Variants in ANKRD29 observed in about 807,000 individuals in gnomAD.
The protein encoded by ANKRD29 is ankyrin repeat domain 29.
Under a neutral mutation model 38.0 loss-of-function variants are expected in ANKRD29, and 32 were observed. The ratio of observed to expected loss-of-function variants is 0.84; its 90% CI spans 0.64 to 1.13. ANKRD29 has a LOEUF of 1.13. ANKRD29 is among the 50% of genes most tolerant of loss of function. ANKRD29 has a pLI of 0.00. For synonymous variants in ANKRD29, 135 were observed against 152.4 expected, an observed-to-expected ratio of 0.89 and a Z score of 0.84; for missense variants, 357 against 377.9, an observed-to-expected ratio of 0.94 and a Z score of 0.46.
intron 9 of ANKRD29, 115 bp from the exon 10 acceptor site, chr18:23,601,424 C>T (rs2145622872): frequency 1.4e-6 from 1 of 719,432 alleles, no homozygotes; most frequent in East Asian, 2.7e-5. Flanking sequence ...AAAATCCACA[C>T]TGGACTCACT....
At chr18:23,602,325 C>T (rs140077424) in intron 9 of ANKRD29, among the ~76,000 whole-genome samples, 1,638 of 152,172 alleles carry the variant, frequency 0.011, 22 homozygotes, top group African/African-American at 0.036. Context: ...TGTGAGCCAC[C>T]GCGCCCGGGC....
chr18:23,649,070 C>A lies in ANKRD29; in HGVS notation c.132+13G>T. On this transcript the variant is annotated intron_variant, in intron 2 of 9. Transcript: ENST00000592179. Reference sequence around the variant, plus strand: ...TGGTGCATGCTGGGCATGCATCTACCGAACCACCGTACGCTGTCTCTGCAG... The same window carrying A: ...TGGTGCATGCTGGGCATGCATCTACAGAACCACCGTACGCTGTCTCTGCAG... 2 of 1,610,872 alleles carry A rather than the reference C, an allele frequency of 1.2e-6. No individual in the cohort carries two copies. The highest frequency in any genetic ancestry group is 1.7e-6 in the Non-Finnish European group (2 of 1,178,210).
intron 1 of ANKRD29, among the ~76,000 whole-genome samples, chr18:23,653,039 C>T (rs2060230049): frequency 6.6e-6 from 1 of 152,172 alleles, no homozygotes; most frequent in African/African-American, 2.4e-5. Flanking sequence ...TAACAATTGC[C>T]TACAGTATTC....
At chr18:23,656,296 C>T (rs908893425) in intron 1 of ANKRD29, among the ~76,000 whole-genome samples, 4 of 151,934 alleles carry the variant, frequency 2.6e-5, no homozygotes, top group Non-Finnish European at 4.4e-5. Flanking sequence ...GCCCTACATA[C>T]ATTGATTCTG....
Position 23,600,830 on chromosome 18 carries a change from C to T in ANKRD29, c.*396G>A, listed in dbSNP as rs953780821. ...ACACAAAAGCAAAAGTGCCTCAATC[C>T]ATTGAAGGTCAGCTTTTCAGTCTTT... On this transcript the variant is annotated 3_prime_UTR_variant, in exon 10 of 10. Coordinates refer to ENST00000592179, the MANE Select transcript of ANKRD29 (RefSeq NM_173505.4). 8 of 159,022 alleles carry T rather than the reference C, an allele frequency of 5.0e-5. No homozygotes were observed. The highest frequency in any genetic ancestry group is 1.7e-4 in the African/African-American group (7 of 41,562). 9.9% of individuals were successfully genotyped at this position (159,022 alleles called of 1,614,324 possible).
intron 1 of ANKRD29, among the ~76,000 whole-genome samples, chr18:23,658,762 C>A (rs987402757): frequency 6.6e-6 from 1 of 152,058 alleles, no homozygotes; most frequent in Non-Finnish European, 1.5e-5. Context: ...GTAGGTATAG[C>A]CCCCATGATG....
chr18:23,624,466 CAAAAAAAAAAAAAA>C lies in ANKRD29; in HGVS notation c.529-4851_529-4838del, dbSNP rs56005663. Among the ~76,000 whole-genome samples the C allele has an allele frequency of 8.2e-3, 265 of 32,450 alleles. 1 individual carries two copies. Among genetic ancestry groups the C allele is most frequent in the Admixed American group, 0.013 (32 of 2,450 alleles). The allele number at this position is 32,450 out of a possible 152,430, so 21.3% of individuals were successfully genotyped here. ...TGGGCGACAGAGTGAGACTCCATCT[CAAAAAAAAAAAAAA>C]AAAAAAAAAAAAAAAAAAAAGGTAA... On this transcript the variant is annotated intron_variant, in intron 6 of 9. Coordinates refer to ENST00000592179, the MANE Select transcript of ANKRD29 (RefSeq NM_173505.4).
intron 6 of ANKRD29, among the ~76,000 whole-genome samples, chr18:23,626,860 G>A (rs1465623950): frequency 6.6e-6 from 1 of 152,194 alleles, no homozygotes; most frequent in Admixed American, 6.5e-5. Flanking sequence ...AAATGGTAGG[G>A]CTTCATAGAA....
At chr18:23,654,618 CAAA>C (rs1167970950) in intron 1 of ANKRD29, among the ~76,000 whole-genome samples, 896 of 50,334 alleles carry the variant, frequency 0.018, 11 homozygotes, top group African/African-American at 0.053. Flanking sequence ...GACTCTGTCT[CAAA>C]AAAAAAAAAA....
intron 9 of ANKRD29, among the ~76,000 whole-genome samples, chr18:23,603,120 C>A (rs2059533805): frequency 6.6e-6 from 1 of 152,184 alleles, no homozygotes; most frequent in Non-Finnish European, 1.5e-5. Context: ...GGATATTATT[C>A]TCTGATGCCA....
At chr18:23,655,486 C>T (rs2060267327) in intron 1 of ANKRD29, among the ~76,000 whole-genome samples, 1 of 151,882 alleles carries the variant, frequency 6.6e-6, no homozygotes, top group Non-Finnish European at 1.5e-5. Flanking sequence ...ACTCTGTCAC[C>T]CAGGCTGGAG....
chr18:23,638,344 T>C (rs1568036030), intron 4 of ANKRD29, among the ~76,000 whole-genome samples: 1 of 152,202 alleles, frequency 6.6e-6, no homozygotes, highest in Non-Finnish European at 1.5e-5. Context: ...TTCCCAACTA[T>C]GTAAACTGTA....
At chr18:23,610,054 A>G (rs1489122399) in intron 9 of ANKRD29, among the ~76,000 whole-genome samples, 2 of 152,180 alleles carry the variant, frequency 1.3e-5, no homozygotes, top group African/African-American at 4.8e-5. Flanking sequence ...TTTTGTTTTT[A>G]TTATTAAAAA....
intron 3 of ANKRD29, among the ~76,000 whole-genome samples, chr18:23,639,625 T>C (rs2060047417): frequency 6.7e-6 from 1 of 149,978 alleles, no homozygotes; most frequent in South Asian, 2.2e-4. Flanking sequence ...AACCTCTGCC[T>C]CCCAGGTTCA....
chr18:23,611,653 C>T (rs2059642970), intron 9 of ANKRD29, among the ~76,000 whole-genome samples: 3 of 152,176 alleles, frequency 2.0e-5, no homozygotes, highest in South Asian at 4.2e-4. Context: ...CCACTGCACT[C>T]CAGTCTGGGT....
chr18:23,600,798 A>G lies in ANKRD29; in HGVS notation c.*428T>C, dbSNP rs573990165. 2.0e-4 allele frequency: 31 copies of G among 158,114 alleles called. No individual in the cohort carries two copies. The highest frequency in any genetic ancestry group is 3.8e-4 in the Non-Finnish European group (27 of 71,050). 9.8% of individuals were successfully genotyped at this position (158,114 alleles called of 1,614,324 possible). ...TAGATCTATATATTTTAGCACATCT[A>G]CATTTAACACAAAAGCAAAAGTGCC... On this transcript the variant is annotated 3_prime_UTR_variant, in exon 10 of 10. Coordinates refer to ENST00000592179, the MANE Select transcript of ANKRD29 (RefSeq NM_173505.4).
At chr18:23,615,885 G>GTATA (rs2059703983) in intron 8 of ANKRD29, among the ~76,000 whole-genome samples, 1 of 146,882 alleles carries the variant, frequency 6.8e-6, no homozygotes, top group African/African-American at 2.5e-5. Flanking sequence ...AGTATATATA[G>GTATA]TATATATTTA....
intron 1 of ANKRD29, among the ~76,000 whole-genome samples, chr18:23,653,397 C>G (rs534745291): frequency 0.011 from 1,611 of 151,894 alleles, 37 homozygotes; most frequent in African/African-American, 0.037. Flanking sequence ...ATTACAGGCA[C>G]CTGCCACTAC....
Position 23,612,157 on chromosome 18 carries a change from T to C in ANKRD29, c.757A>G (p.Ser253Gly), listed in dbSNP as rs865931476. ...GTSALHAAVL[S>G]GNIKTVALLL... Reference sequence around the variant, plus strand: ...AGCGCAACTGTTTTAATGTTTCCACTGAGCACTGCTGCATGGAGCGCTGAT... The same window carrying C: ...AGCGCAACTGTTTTAATGTTTCCACCGAGCACTGCTGCATGGAGCGCTGAT... The change falls in exon 9 of 10, where the codon AGT becomes GGT. Residue 253 changes from serine (S) to glycine (G), a missense_variant. Ser to Gly is a moderately conservative substitution (Grantham distance 56). Transcript: ENST00000592179. The C allele has an allele frequency of 1.1e-5, 17 of 1,613,956 alleles. No homozygotes were observed. The African/African-American group carries it at 1.5e-4, about 14-fold the overall frequency.
Sources: allele counts gnomAD v4.1 joint callset (sites outside exome capture counted in the v4.1 genomes callset), GRCh38; gene constraint gnomAD v4.1.1; transcripts MANE v1.5; gene names NCBI Gene and HGNC (gene_info 2026-07-23, HGNC 2026-07-21).